The following SGCD variants were observed in gnomAD, a reference collection of about 807,000 sequenced individuals.
SGCD encodes the protein sarcoglycan delta.
Under a neutral mutation model 36.6 loss-of-function variants are expected in SGCD, and 18 were observed. The ratio of observed to expected loss-of-function variants is 0.49; its 90% CI spans 0.34 to 0.73. The LOEUF is 0.73. SGCD is among the 30% of genes least tolerant of loss of function. SGCD has a pLI of 0.01. For synonymous variants in SGCD, 133 were observed against 130.6 expected (o/e 1.02, Z -0.12); for missense variants, 387 against 346.7 (o/e 1.12, Z -0.92).
intron 3 of SGCD, among the ~76,000 whole-genome samples, chr5:156,129,058 G>C (rs1397903118): frequency 6.6e-6 from 1 of 152,158 alleles, no homozygotes; most frequent in East Asian, 1.9e-4. Context: ...CTGGTGAGGT[G>C]ATGCCTGGGA....
chr5:156,731,625 C>T (rs1440351051), intron 7 of SGCD, among the ~76,000 whole-genome samples: 1 of 149,376 alleles, frequency 6.7e-6, no homozygotes, highest in African/African-American at 2.4e-5. Context: ...AGCATGCTGC[C>T]TCCAGCTTTG....
chr5:155,827,845 ATTTTTT>A, the SGCD span, among the ~76,000 whole-genome samples: 1 of 124,934 alleles, frequency 8.0e-6, no homozygotes, highest in African/African-American at 3.0e-5. Flanking sequence ...CACCTGGCTA[ATTTTTT>A]TTTTTTTTTT....
At chr5:156,755,701 T>A (rs1169665984) in intron 7 of SGCD, among the ~76,000 whole-genome samples, 1 of 151,588 alleles carries the variant, frequency 6.6e-6, no homozygotes, top group African/African-American at 2.4e-5. Context: ...GGAGGGGAGG[T>A]GGGGAGTGGA....
intron 4 of SGCD, among the ~76,000 whole-genome samples, chr5:156,556,381 T>C (rs993790013): frequency 6.6e-6 from 1 of 152,166 alleles, no homozygotes; most frequent in Non-Finnish European, 1.5e-5. Context: ...GCTGTCCCAA[T>C]GTCCAAATTG....
intron 3 of SGCD, among the ~76,000 whole-genome samples, chr5:156,455,290 G>A (rs964666233): frequency 3.3e-5 from 5 of 152,144 alleles, no homozygotes; most frequent in African/African-American, 9.7e-5. Flanking sequence ...AGTCAAGGAC[G>A]CAGGGTCCCT....
At chr5:156,135,601 T>A (rs556601280) in intron 3 of SGCD, among the ~76,000 whole-genome samples, 3,768 of 152,270 alleles carry the variant, frequency 0.025, 157 homozygotes, top group African/African-American at 0.086. Flanking sequence ...TTGTCTCCTA[T>A]GCATAAATCC....
At chr5:156,035,844 G>A (rs540843641) in intron 1 of SGCD, among the ~76,000 whole-genome samples, 8 of 152,236 alleles carry the variant, frequency 5.3e-5, no homozygotes, top group Non-Finnish European at 7.4e-5. Context: ...ATCTTGAAGC[G>A]TAGCATTTTG....
At chr5:155,896,798 A>G (rs1756273341) in intron 1 of SGCD, among the ~76,000 whole-genome samples, 1 of 152,184 alleles carries the variant, frequency 6.6e-6, no homozygotes, top group Admixed American at 6.5e-5. Context: ...CAGCCTAGCT[A>G]GGAGACTGGG....
At chr5:155,813,595 G>A in the SGCD span, among the ~76,000 whole-genome samples, 1 of 152,280 alleles carries the variant, frequency 6.6e-6, no homozygotes, top group South Asian at 2.1e-4. Context: ...TATTTTTTGT[G>A]TTGTTGAGTT....
intron 4 of SGCD, among the ~76,000 whole-genome samples, chr5:156,578,006 A>C (rs1299790611): frequency 6.6e-6 from 1 of 151,420 alleles, no homozygotes; most frequent in East Asian, 1.9e-4. Flanking sequence ...TTTTCAAAGG[A>C]TGCTTCCAGT....
At chr5:155,817,666 C>A in the SGCD span, among the ~76,000 whole-genome samples, 1 of 151,894 alleles carries the variant, frequency 6.6e-6, no homozygotes, top group Non-Finnish European at 1.5e-5. Flanking sequence ...TTATGTAGGA[C>A]CAATGGAAAA....
intron 3 of SGCD, among the ~76,000 whole-genome samples, chr5:156,495,831 T>G (rs1218797741): frequency 6.6e-6 from 1 of 152,172 alleles, no homozygotes; most frequent in African/African-American, 2.4e-5. Flanking sequence ...AACTTGCACT[T>G]TATTATCCAT....
intron 3 of SGCD, among the ~76,000 whole-genome samples, chr5:156,346,291 T>C (rs1300481476): frequency 6.6e-6 from 1 of 152,194 alleles, no homozygotes; most frequent in African/African-American, 2.4e-5. Flanking sequence ...AATTTTTCTT[T>C]CTTTATATAT....
intron 7 of SGCD, among the ~76,000 whole-genome samples, chr5:156,723,741 G>T (rs1385158565): frequency 6.6e-6 from 1 of 152,196 alleles, no homozygotes; most frequent in South Asian, 2.1e-4. Context: ...ATCAAGGTTA[G>T]AGATCAGAGG....
intron 3 of SGCD, among the ~76,000 whole-genome samples, chr5:156,132,458 CT>C (rs573278623): frequency 2.7e-3 from 140 of 51,782 alleles, no homozygotes; most frequent in Non-Finnish European, 3.4e-3. Context: ...CTTACCAAGT[CT>C]TTTTTTTTTT....
At chr5:156,588,030 G>C (rs1760564984) in intron 4 of SGCD, among the ~76,000 whole-genome samples, 1 of 151,462 alleles carries the variant, frequency 6.6e-6, no homozygotes, top group African/African-American at 2.4e-5. Context: ...GAATTTTCAG[G>C]CAGTAATATA....
chr5:155,899,999 C>T (rs894064270), intron 1 of SGCD, among the ~76,000 whole-genome samples: 1 of 152,030 alleles, frequency 6.6e-6, no homozygotes, highest in Non-Finnish European at 1.5e-5. Flanking sequence ...TATTGTTAAC[C>T]TTTTACTAAT....
chr5:156,194,185 G>T (rs1763964853), intron 3 of SGCD, among the ~76,000 whole-genome samples: 1 of 152,088 alleles, frequency 6.6e-6, no homozygotes, highest in African/African-American at 2.4e-5. Flanking sequence ...GGGCCAGCCT[G>T]GGCAACATGG....
chr5:155,785,013 C>T, the SGCD span, among the ~76,000 whole-genome samples: 1 of 151,938 alleles, frequency 6.6e-6, no homozygotes, highest in Non-Finnish European at 1.5e-5. Context: ...GAATATATCC[C>T]ATGACTCCTA....
Sources: gnomAD v4.1 joint callset for allele counts (sites outside exome capture counted in the v4.1 genomes callset) on GRCh38, gnomAD v4.1.1 for gene constraint, MANE v1.5 for transcripts, NCBI Gene and HGNC (gene_info 2026-07-23, HGNC 2026-07-21) for gene names.